The following MMP16 variants were observed in gnomAD, a reference collection of about 807,000 sequenced individuals.
MMP16 encodes the protein matrix metallopeptidase 16, also known as matrix metalloproteinase-16.
A neutral mutation model predicts 67.8 loss-of-function variants in MMP16; 12 were observed. The observed-to-expected ratio is 0.18, with a 90% CI of 0.11 to 0.29. The LOEUF (loss-of-function observed/expected upper bound fraction) is 0.29. Among genes scored for constraint, MMP16 ranks in the 10% least tolerant of loss-of-function variants. MMP16 has a pLI of 1.00. For synonymous variants in MMP16, 249 were observed against 255.9 expected, an observed-to-expected ratio of 0.97 and a Z score of 0.26; for missense variants, 475 against 765.7, an observed-to-expected ratio of 0.62 and a Z score of 4.48.
At chr8:88,302,263 T>A (rs139590982) in intron 1 of MMP16, among the ~76,000 whole-genome samples, 1 of 152,250 alleles carries the variant, frequency 6.6e-6, no homozygotes, top group African/African-American at 2.4e-5. Flanking sequence ...ATAAAATCAG[T>A]GGAAGAAGTT....
chr8:88,085,024 C>T (rs903075033), intron 6 of MMP16, among the ~76,000 whole-genome samples: 2 of 151,010 alleles, frequency 1.3e-5, no homozygotes, highest in Non-Finnish European at 3.0e-5. Flanking sequence ...TTGACTGTAA[C>T]ATATGTGGAC....
chr8:88,075,773 T>C (rs1457860218), intron 6 of MMP16, among the ~76,000 whole-genome samples: 1 of 152,090 alleles, frequency 6.6e-6, no homozygotes, highest in Non-Finnish European at 1.5e-5. Flanking sequence ...GACAAGTATA[T>C]ATCACAAAAA....
chr8:88,163,744 CA>C (rs1808668877), intron 4 of MMP16, among the ~76,000 whole-genome samples: 1 of 151,958 alleles, frequency 6.6e-6, no homozygotes, highest in South Asian at 2.1e-4. Flanking sequence ...TAAATCTTAA[CA>C]TTTTGCTGGA....
intron 1 of MMP16, among the ~76,000 whole-genome samples, chr8:88,200,214 C>T (rs1442670202): frequency 6.6e-6 from 1 of 151,956 alleles, no homozygotes; most frequent in Non-Finnish European, 1.5e-5. Context: ...TGCTTGAAAA[C>T]TCCCCAAATC....
intron 3 of MMP16, among the ~76,000 whole-genome samples, chr8:88,177,447 AG>A (rs2129728726): frequency 6.6e-6 from 1 of 152,292 alleles, no homozygotes; most frequent in Admixed American, 6.5e-5. Flanking sequence ...AAGCCTCTGA[AG>A]CCAAGAGAAG....
intron 1 of MMP16, among the ~76,000 whole-genome samples, chr8:88,227,889 C>T (rs115876838): frequency 0.026 from 3,980 of 151,968 alleles, 51 homozygotes; most frequent in South Asian, 0.045. Flanking sequence ...AAACAATAGT[C>T]ATATTTAAAA....
intron 3 of MMP16, among the ~76,000 whole-genome samples, chr8:88,178,510 T>C (rs911840150): frequency 6.6e-6 from 1 of 152,300 alleles, no homozygotes; most frequent in African/African-American, 2.4e-5. Context: ...GAATGTCAGA[T>C]AGATTTAATT....
intron 4 of MMP16, among the ~76,000 whole-genome samples, chr8:88,156,712 C>T (rs1808515125): frequency 1.3e-5 from 2 of 150,808 alleles, no homozygotes; most frequent in African/African-American, 4.9e-5. Context: ...ATTTTTTTTT[C>T]AGAAACTTAA....
chr8:88,317,494 G>A (rs563189836), intron 1 of MMP16, among the ~76,000 whole-genome samples: 12 of 152,270 alleles, frequency 7.9e-5, no homozygotes, highest in African/African-American at 2.4e-4. Context: ...ACACAGTACA[G>A]TGTAAATATA....
chr8:88,300,164 A>G (rs1811075687), intron 1 of MMP16, among the ~76,000 whole-genome samples: 1 of 152,162 alleles, frequency 6.6e-6, no homozygotes, highest in Admixed American at 6.5e-5. Flanking sequence ...GAAAATTATA[A>G]ATGCATTCTA....
At chr8:88,266,753 G>A (rs532188055) in intron 1 of MMP16, among the ~76,000 whole-genome samples, 3 of 152,170 alleles carry the variant, frequency 2.0e-5, no homozygotes, top group East Asian at 1.9e-4. Context: ...CAACTGTTCC[G>A]TTGTTTAATG....
At chr8:88,074,779 G>A (rs1808617424) in intron 6 of MMP16, 36 bp from the exon 7 acceptor site, 2 of 1,598,252 alleles carry the variant, frequency 1.3e-6, no homozygotes, top group East Asian at 2.3e-5. Flanking sequence ...CAACAAACAC[G>A]TAGGCCTCCC....
intron 8 of MMP16, among the ~76,000 whole-genome samples, chr8:88,049,123 A>C (rs760702794): frequency 1.6e-4 from 25 of 152,322 alleles, no homozygotes; most frequent in Admixed American, 2.6e-4. Context: ...GGTTCTCATC[A>C]CATCGAAGAT....
In MMP16 at chr8:88,164,823, T is replaced by C. The variant is rs1808684910; in HGVS notation, c.709+2846A>G. Among the ~76,000 whole-genome samples the C allele has an allele frequency of 2.6e-5, 4 of 151,788 alleles. 1 individual carries two copies. The South Asian group carries it at 8.3e-4, about 31-fold the overall frequency. ...TATTTAACATAATCCGGAAGTAGAC[T>C]GATGAATACTCTCAGCCAAAAGTGC... On this transcript the variant is annotated intron_variant, in intron 4 of 9. Coordinates refer to ENST00000286614, the MANE Select transcript of MMP16 (RefSeq NM_005941.5).
chr8:88,095,145 G>T lies in MMP16; in HGVS notation c.1084-20402C>A, dbSNP rs1809004302. On this transcript the variant is annotated intron_variant, in intron 6 of 9. Coordinates refer to ENST00000286614, the MANE Select transcript of MMP16 (RefSeq NM_005941.5). ...TACTACTGGCAATGCTTAGTGATATGGAGGAAAAGAAGTCAATAATTTGCT... is the reference window on the plus strand; with the variant it reads ...TACTACTGGCAATGCTTAGTGATATTGAGGAAAAGAAGTCAATAATTTGCT... 2.0e-5 allele frequency among the ~76,000 whole-genome samples: 3 copies of T among 151,710 alleles called. No individual in the cohort carries two copies. The South Asian group carries it at 6.2e-4, about 31-fold the overall frequency.
intron 3 of MMP16, among the ~76,000 whole-genome samples, chr8:88,177,432 A>C (rs1350924307): frequency 1.3e-5 from 2 of 152,130 alleles, no homozygotes; most frequent in Middle Eastern, 6.3e-3. Flanking sequence ...GTTTATCAAG[A>C]GCAAAAGCCT....
chr8:88,302,034 T>C (rs930752233), intron 1 of MMP16, among the ~76,000 whole-genome samples: 1 of 152,232 alleles, frequency 6.6e-6, no homozygotes, highest in Admixed American at 6.5e-5. Context: ...TCCAGCTCAC[T>C]TGCTCAGAAA....
chr8:88,294,440 C>G (rs540174706), intron 1 of MMP16, among the ~76,000 whole-genome samples: 1 of 147,900 alleles, frequency 6.8e-6, no homozygotes, highest in Admixed American at 6.7e-5. Context: ...ATGTATATGT[C>G]TATATACACA....
chr8:88,206,336 G>A (rs534934969), intron 1 of MMP16, among the ~76,000 whole-genome samples: 1 of 151,994 alleles, frequency 6.6e-6, no homozygotes, highest in East Asian at 1.9e-4. Flanking sequence ...TGATGATGAT[G>A]ATAAAAAAAA....
Sources: allele counts gnomAD v4.1 joint callset (sites outside exome capture counted in the v4.1 genomes callset), GRCh38; gene constraint gnomAD v4.1.1; transcripts MANE v1.5; gene names NCBI Gene and HGNC (gene_info 2026-07-23, HGNC 2026-07-21).